The following DPP10 variants were observed in gnomAD, a reference collection of about 807,000 sequenced individuals.
The protein encoded by DPP10 is dipeptidyl peptidase like 10.
A neutral mutation model predicts 120.9 loss-of-function variants in DPP10; 33 were observed. The ratio of observed to expected loss-of-function variants is 0.27; its 90% CI spans 0.21 to 0.37. The LOEUF (loss-of-function observed/expected upper bound fraction) is 0.37, where lower values mean the gene tolerates loss of function less well. DPP10 is among the 10% of genes least tolerant of loss of function. DPP10 has a pLI of 1.00. For synonymous variants in DPP10, 337 were observed against 326.1 expected, an observed-to-expected ratio of 1.03 and a Z score of -0.36; for missense variants, 816 against 942.8, an observed-to-expected ratio of 0.87 and a Z score of 1.76.
intron 1 of DPP10, among the ~76,000 whole-genome samples, chr2:114,456,148 A>G (rs376342935): frequency 1.3e-5 from 2 of 152,198 alleles, no homozygotes; most frequent in Non-Finnish European, 2.9e-5. Flanking sequence ...TGGAGACTGT[A>G]AGGGGAGGCC....
At chr2:115,709,817 A>G (rs2092259215) in intron 7 of DPP10, among the ~76,000 whole-genome samples, 1 of 152,070 alleles carries the variant, frequency 6.6e-6, no homozygotes, top group Admixed American at 6.6e-5. Flanking sequence ...TCTCTAACAG[A>G]TGGTGCTTGG....
chr2:115,109,579 A>T (rs956486681), intron 1 of DPP10, among the ~76,000 whole-genome samples: 5 of 152,160 alleles, frequency 3.3e-5, no homozygotes, highest in African/African-American at 1.2e-4. Flanking sequence ...TAAATATCTG[A>T]TGGTGACGTA....
chr2:114,617,492 GTA>G (rs1301880665), intron 1 of DPP10, among the ~76,000 whole-genome samples: 1 of 152,030 alleles, frequency 6.6e-6, no homozygotes, highest in East Asian at 1.9e-4. Flanking sequence ...TTTCTAAATT[GTA>G]TATGTTTGAA....
intron 3 of DPP10, among the ~76,000 whole-genome samples, chr2:115,355,658 A>G (rs115630071): frequency 0.019 from 2,927 of 152,174 alleles, 88 homozygotes; most frequent in African/African-American, 0.067. Context: ...GATACTGCCT[A>G]GGTTTTCGTC....
At chr2:114,529,411 G>A (rs1452892188) in intron 1 of DPP10, among the ~76,000 whole-genome samples, 1 of 152,026 alleles carries the variant, frequency 6.6e-6, no homozygotes, top group Non-Finnish European at 1.5e-5. Context: ...ACTCTCCAAG[G>A]GGATCTTGTT....
At chr2:115,101,226 C>T (rs771279469) in intron 1 of DPP10, among the ~76,000 whole-genome samples, 1 of 152,168 alleles carries the variant, frequency 6.6e-6, no homozygotes, top group Non-Finnish European at 1.5e-5. Flanking sequence ...TGTGCAATTC[C>T]ATCTTTTGAT....
At position 115,067,648 on chromosome 2, in the gene DPP10, G is replaced by A. The variant is rs139036639; in HGVS notation, c.61-241591G>A. 9.1e-3 allele frequency among the ~76,000 whole-genome samples: 1,344 copies of A among 147,700 alleles called. 24 individuals are homozygous for A. Among genetic ancestry groups the A allele is most frequent in the African/African-American group, 0.032 (1,283 of 40,652 alleles). ...GGAAGTCGAGGCAGGGGGATCACGA[G>A]GTCAGGAGATGGAGACCATCCTGGC... On this transcript the variant is annotated intron_variant, in intron 1 of 25. Transcript: ENST00000410059.
At chr2:114,704,489 A>G (rs1322914957) in intron 1 of DPP10, among the ~76,000 whole-genome samples, 1 of 152,194 alleles carries the variant, frequency 6.6e-6, no homozygotes, top group Non-Finnish European at 1.5e-5. Flanking sequence ...TGACAGATGC[A>G]AGTTGTACCA....
At position 115,187,850 on chromosome 2, in the gene DPP10, AAAAC is replaced by A. The variant is rs1315394548; in HGVS notation, c.61-121377_61-121374del. On this transcript the variant is annotated intron_variant, in intron 1 of 25. Coordinates refer to ENST00000410059, the MANE Select transcript of DPP10 (RefSeq NM_020868.6). The stretch of plus-strand genomic sequence containing the variant: ...ACCCCATCTCTACACAAAATAAGAA[AAAAC>A]AAACAAACAAAAAAATTAGCAGGGT... Among the ~76,000 whole-genome samples, 6 of 152,064 alleles carry A rather than the reference AAAAC, an allele frequency of 3.9e-5. No homozygotes were observed. The South Asian group carries it at 6.2e-4, about 16-fold the overall frequency.
chr2:115,725,051 T>A (rs891763880), intron 7 of DPP10, among the ~76,000 whole-genome samples: 1 of 152,162 alleles, frequency 6.6e-6, no homozygotes, highest in African/African-American at 2.4e-5. Flanking sequence ...AAAATGAGAT[T>A]TGGCAGGGAC....
intron 1 of DPP10, among the ~76,000 whole-genome samples, chr2:114,954,156 C>G (rs1053270293): frequency 1.4e-5 from 2 of 147,448 alleles, no homozygotes; most frequent in African/African-American, 5.0e-5. Context: ...TCTCGGCTCA[C>G]TGCAAGCTCC....
intron 3 of DPP10, among the ~76,000 whole-genome samples, chr2:115,441,817 C>CTTTTT (rs561102084): frequency 4.7e-4 from 59 of 124,452 alleles, no homozygotes; most frequent in Non-Finnish European, 7.0e-4. Context: ...TTCTTTCTTT[C>CTTTTT]TTTTTTTTTT....
intron 1 of DPP10, among the ~76,000 whole-genome samples, chr2:115,248,244 C>T (rs999853988): frequency 6.6e-6 from 1 of 152,128 alleles, no homozygotes; most frequent in South Asian, 2.1e-4. Flanking sequence ...TTCTCCCTCT[C>T]TCTAGGACTC....
In DPP10 at chr2:115,101,352, C is replaced by T. The variant is rs142252611; in HGVS notation, c.61-207887C>T. 1.1e-3 allele frequency among the ~76,000 whole-genome samples: 174 copies of T among 152,208 alleles called. 4 individuals carry two copies. In the East Asian group the frequency reaches 0.027, roughly 24 times the overall value. ...CTCGTGGTTGGCTGACACATATCTC[C>T]TAATAACTGCTTTTGGTATATAGTA... On this transcript the variant is annotated intron_variant, in intron 1 of 25. Transcript: ENST00000410059.
At chr2:114,539,535 A>G (rs1686788123) in intron 1 of DPP10, among the ~76,000 whole-genome samples, 1 of 152,220 alleles carries the variant, frequency 6.6e-6, no homozygotes, top group African/African-American at 2.4e-5. Flanking sequence ...GCATATTCCA[A>G]GTGCTTTCTT....
intron 17 of DPP10, among the ~76,000 whole-genome samples, chr2:115,784,615 C>A (rs1683130404): frequency 6.6e-6 from 1 of 152,096 alleles, no homozygotes; most frequent in South Asian, 2.1e-4. Context: ...CTCACCGCAA[C>A]CTCCACCTCC....
intron 3 of DPP10, among the ~76,000 whole-genome samples, chr2:115,357,918 C>T (rs1416597752): frequency 6.6e-6 from 1 of 152,084 alleles, no homozygotes; most frequent in Non-Finnish European, 1.5e-5. Flanking sequence ...GTACCTTGGC[C>T]CCTTTTAGCT....
chr2:115,092,363 T>C (rs1158425689), intron 1 of DPP10, among the ~76,000 whole-genome samples: 1 of 152,188 alleles, frequency 6.6e-6, no homozygotes, highest in East Asian at 1.9e-4. Context: ...AGAGCCAGCT[T>C]ATATCTAATC....
chr2:114,559,891 C>CAAAAAAAAAAAAAAAAAAAAAAAAAA (rs60833358), intron 1 of DPP10, among the ~76,000 whole-genome samples: 12 of 65,928 alleles, frequency 1.8e-4, no homozygotes, highest in East Asian at 4.9e-4. Flanking sequence ...AGAAAAAAAG[C>CAAAAAAAAAAAAAAAAAAAAAAAAAA]AAAAAAAAAA....
Sources: gnomAD v4.1 joint callset for allele counts (sites outside exome capture counted in the v4.1 genomes callset) on GRCh38, gnomAD v4.1.1 for gene constraint, MANE v1.5 for transcripts, NCBI Gene and HGNC (gene_info 2026-07-23, HGNC 2026-07-21) for gene names.